AGL: variants seen among roughly 807,000 people sequenced by gnomAD.
The protein encoded by AGL is amylo-alpha-1,6-glucosidase and 4-alpha-glucanotransferase.
A neutral mutation model predicts 199.3 loss-of-function variants in AGL; 128 were observed. That is an observed-to-expected ratio of 0.64 (90% CI 0.56 to 0.74). The LOEUF (loss-of-function observed/expected upper bound fraction) is 0.74. Among genes scored for constraint, AGL ranks in the 30% least tolerant of loss-of-function variants. The pLI is 0.00. For synonymous variants in AGL, 584 were observed against 594.7 expected (o/e 0.98, Z 0.26); for missense variants, 1,809 against 1,820.8 (o/e 0.99, Z 0.12).
chr1:99,882,296 T>C (rs1652104316), intron 17 of AGL, among the ~76,000 whole-genome samples: 1 of 152,242 alleles, frequency 6.6e-6, no homozygotes, highest in Non-Finnish European at 1.5e-5. Flanking sequence ...TGAACATTTA[T>C]TTCTCTTCTA....
rs143045540 is a variant in AGL at position 99,863,042 on chromosome 1, C to T, written c.460+619C>T. ...ACAACCTCCACCTCCCGGGTTCAAACGATTTTCCTGCCTCAGCCTCCTGAG... is the reference window on the plus strand; with the variant it reads ...ACAACCTCCACCTCCCGGGTTCAAATGATTTTCCTGCCTCAGCCTCCTGAG... On this transcript the variant is annotated intron_variant, in intron 4 of 33. Coordinates refer to ENST00000361915, the MANE Select transcript of AGL (RefSeq NM_000642.3). 9.2e-5 allele frequency among the ~76,000 whole-genome samples: 14 copies of T among 152,024 alleles called. No homozygotes were observed. The East Asian group carries it at 2.3e-3, about 25-fold the overall frequency.
intron 27 of AGL, among the ~76,000 whole-genome samples, chr1:99,906,051 A>G (rs1452481054): frequency 6.6e-6 from 1 of 152,174 alleles, no homozygotes; most frequent in Non-Finnish European, 1.5e-5. Flanking sequence ...CAGTGGCTTT[A>G]AGTACAATCA....
intron 33 of AGL, among the ~76,000 whole-genome samples, chr1:99,919,308 C>CAGTT (rs1302305009): frequency 6.6e-6 from 1 of 152,166 alleles, no homozygotes; most frequent in Non-Finnish European, 1.5e-5. Context: ...TCTTAATGTC[C>CAGTT]AGTTCTTCAG....
intron 29 of AGL, 136 bp downstream of exon 29, chr1:99,912,653 A>C (rs576550428): frequency 2.8e-5 from 20 of 716,802 alleles, no homozygotes; most frequent in Admixed American, 1.9e-4. Context: ...TCATTAATTT[A>C]CTAGTGTGAA....
intron 2 of AGL, among the ~76,000 whole-genome samples, chr1:99,857,830 T>A (rs1413464943): frequency 1.5e-4 from 1 of 6,646 alleles, no homozygotes; most frequent in Non-Finnish European, 2.9e-4. Flanking sequence ...AGGGAGACCG[T>A]GGGGAGGGGG....
intron 24 of AGL, 41 bp downstream of exon 24, chr1:99,892,648 G>A (rs1652996304): frequency 1.3e-6 from 2 of 1,577,244 alleles, no homozygotes; most frequent in East Asian, 2.2e-5. Context: ...TAAATCGATA[G>A]TATTCGCGGA....
At chr1:99,880,161 T>C in intron 13 of AGL, 115 bp downstream of exon 13, 1 of 1,429,592 alleles carries the variant, frequency 7.0e-7, no homozygotes, top group South Asian at 1.2e-5. Context: ...GTTAATGTTC[T>C]TCTAAATACT....
At chr1:99,903,433 G>C (rs1237462259) in intron 27 of AGL, among the ~76,000 whole-genome samples, 4 of 152,078 alleles carry the variant, frequency 2.6e-5, no homozygotes, top group African/African-American at 7.2e-5. Flanking sequence ...ATGGTTTCCA[G>C]CTTCATCCAT....
chr1:99,867,778 T>C (rs964778162), intron 5 of AGL, among the ~76,000 whole-genome samples: 20 of 151,942 alleles, frequency 1.3e-4, no homozygotes, highest in Admixed American at 1.2e-3. Context: ...TTCGTCTCAA[T>C]CCACCCTGCC....
intron 5 of AGL, among the ~76,000 whole-genome samples, chr1:99,869,386 C>G (rs1194088261): frequency 2.6e-5 from 4 of 152,062 alleles, no homozygotes; most frequent in African/African-American, 9.7e-5. Context: ...ATGACTGAAA[C>G]TGGAAATAAT....
At chr1:99,857,841 A>AGGGGGGAGAGGGAGACCG (rs1402738862) in intron 2 of AGL, among the ~76,000 whole-genome samples, 1 of 6,184 alleles carries the variant, frequency 1.6e-4, no homozygotes, top group Non-Finnish European at 3.3e-4. Flanking sequence ...GGGGAGGGGG[A>AGGGGGGAGAGGGAGACCG]GGGGGAGGGG....
At chr1:99,909,126 T>G (rs1454825727) in intron 27 of AGL, among the ~76,000 whole-genome samples, 1 of 151,962 alleles carries the variant, frequency 6.6e-6, no homozygotes, top group Non-Finnish European at 1.5e-5. Flanking sequence ...GACTCTCCAC[T>G]CAGTCTCTGC....
Position 99,923,508 on chromosome 1 carries a change from G to A in AGL, c.*1857G>A, listed in dbSNP as rs1299329893. Reference sequence around the variant, plus strand: ...TATCTCTAGTAAGGCAGATACCCACGTTGGTAAATTTTTAGGATATTGTGT... The same window carrying A: ...TATCTCTAGTAAGGCAGATACCCACATTGGTAAATTTTTAGGATATTGTGT... On this transcript the variant is annotated 3_prime_UTR_variant, in exon 34 of 34. Transcript: ENST00000361915. 6.6e-6 allele frequency: 1 copy of A among 152,204 alleles called. No individual in the cohort carries two copies. Among genetic ancestry groups the A allele is most frequent in the Non-Finnish European group, 1.5e-5 (1 of 67,996 alleles). 9.4% of individuals were successfully genotyped at this position (152,204 alleles called of 1,614,324 possible).
In AGL at chr1:99,916,589, C is replaced by A; in HGVS notation, c.4348-9C>A. 2 of 1,611,918 alleles carry A rather than the reference C, an allele frequency of 1.2e-6. No homozygotes were observed. Among genetic ancestry groups the A allele is most frequent in the Non-Finnish European group, 1.7e-6 (2 of 1,179,046 alleles). On this transcript the variant is annotated splice_polypyrimidine_tract_variant and intron_variant, in intron 32 of 33. Transcript: ENST00000361915. The stretch of plus-strand genomic sequence containing the variant: ...TGGTTTTTTTTGTCTTTTAAATAAT[C>A]TTTTTTAGGAGTGGCTGTGGCCTAT...
intron 2 of AGL, among the ~76,000 whole-genome samples, chr1:99,853,105 A>G (rs1471535461): frequency 6.6e-6 from 1 of 152,084 alleles, no homozygotes; most frequent in African/African-American, 2.4e-5. Flanking sequence ...TTGCCTGTCT[A>G]TTCTGTATGG....
chr1:99,883,344 A>G (rs1002338752), intron 17 of AGL, among the ~76,000 whole-genome samples: 1 of 152,122 alleles, frequency 6.6e-6, no homozygotes, highest in Non-Finnish European at 1.5e-5. Flanking sequence ...CCCTAGGTAT[A>G]TATCTGGGAA....
intron 25 of AGL, 108 bp from the exon 26 acceptor site, chr1:99,900,528 C>A: frequency 2.0e-6 from 2 of 995,188 alleles, no homozygotes; most frequent in South Asian, 1.3e-5. Context: ...AGAAATAGGG[C>A]AAGAGAGAAA....
intron 33 of AGL, among the ~76,000 whole-genome samples, chr1:99,917,890 G>C (rs1340200063): frequency 6.6e-6 from 1 of 151,888 alleles, no homozygotes; most frequent in Non-Finnish European, 1.5e-5. Context: ...CACACTACAT[G>C]GTTACTACAT....
intron 17 of AGL, among the ~76,000 whole-genome samples, chr1:99,882,803 A>G (rs750352742): frequency 5.3e-5 from 8 of 152,220 alleles, no homozygotes; most frequent in Admixed American, 6.5e-5. Context: ...GATTGACCAA[A>G]TGAAAATTCC....
Sources: gnomAD v4.1 joint callset for allele counts (sites outside exome capture counted in the v4.1 genomes callset) on GRCh38, gnomAD v4.1.1 for gene constraint, MANE v1.5 for transcripts, NCBI Gene and HGNC (gene_info 2026-07-23, HGNC 2026-07-21) for gene names.